The following NEK6 variants were observed in gnomAD, a reference collection of about 807,000 sequenced individuals.
The protein encoded by NEK6 is serine/threonine-protein kinase Nek6.
In NEK6, 27 loss-of-function variants were observed where a neutral mutation model predicts 43.5. The ratio of observed to expected loss-of-function variants is 0.62; its 90% CI spans 0.46 to 0.86. The LOEUF is 0.86. Ranked by LOEUF, NEK6 falls within the 40% of genes least tolerant of loss-of-function variation. The pLI, the probability that NEK6 is intolerant of heterozygous loss-of-function variation, is 0.00. For synonymous variants in NEK6, 167 were observed against 164.1 expected, an observed-to-expected ratio of 1.02 and a Z score of -0.14; for missense variants, 318 against 414.4, an observed-to-expected ratio of 0.77 and a Z score of 2.02.
At chr9:124,259,587 C>T (rs1830945623) in intron 1 of NEK6, 1 of 152,090 alleles carries the variant, frequency 6.6e-6, no homozygotes, top group South Asian at 2.1e-4. Flanking sequence ...GGAAATGCCC[C>T]CTCTCCTTCC....
chr9:124,296,081 C>T (rs577835404), intron 1 of NEK6, among the ~76,000 whole-genome samples: 20 of 152,382 alleles, frequency 1.3e-4, no homozygotes, highest in African/African-American at 4.6e-4. Context: ...ATCTTCAGCT[C>T]CCTGGGGCAT....
intron 4 of NEK6, among the ~76,000 whole-genome samples, chr9:124,316,823 GTCTCCCTCCTCC>G (rs1833838087): frequency 6.6e-6 from 1 of 152,196 alleles, no homozygotes; most frequent in African/African-American, 2.4e-5. Flanking sequence ...TGGGGGAGGA[GTCTCCCTCCTCC>G]CCTCCCCAGG....
At chr9:124,323,991 C>T (rs979084141) in intron 5 of NEK6, among the ~76,000 whole-genome samples, 3 of 152,146 alleles carry the variant, frequency 2.0e-5, no homozygotes, top group Non-Finnish European at 2.9e-5. Flanking sequence ...CGGGTCCTTC[C>T]TCCTCACCTG....
In NEK6 at chr9:124,301,803, G is replaced by C. The variant is rs112534169; in HGVS notation, c.-29-133G>C. ...GTTGTAGCCCTGCCACTTCGGAGCT[G>C]GGTGACCGTGGGCAAATTACTGAAC... On this transcript the variant is annotated intron_variant, in intron 1 of 9. Transcript: ENST00000320246. The C allele has an allele frequency of 7.0e-6, 5 of 718,758 alleles. No homozygotes were observed. The African/African-American group carries it at 7.0e-5, about 10-fold the overall frequency. The allele number at this position is 718,758 out of a possible 1,614,324, so 44.5% of individuals were successfully genotyped here.
rs935227413 is a variant in NEK6, at chr9:124,324,057, T to C, written c.406-2273T>C. On this transcript the variant is annotated intron_variant, in intron 5 of 9. Transcript: ENST00000320246. This position sits in a 1 kb window ranked among gnomAD's most constrained non-coding sequence, Gnocchi z 5.3. ...CTCTCCCCCCACTGTCCCTGCCTGC[T>C]CCCGTTCCCTCCAACCCGGCTCAGG... Among the ~76,000 whole-genome samples the C allele has an allele frequency of 6.6e-6, 1 of 151,760 alleles. No individual in the cohort carries two copies. Among genetic ancestry groups the C allele is most frequent in the Non-Finnish European group, 1.5e-5 (1 of 67,938 alleles).
Position 124,352,013 on chromosome 9 carries a change from A to C in NEK6, c.*1066A>C, listed in dbSNP as rs1469850964. The stretch of plus-strand genomic sequence containing the variant: ...ACCTGTATCATGTGTAGGAAACCAG[A>C]AATGTGTTCCTTATTTCTTGTTCCC... On this transcript the variant is annotated 3_prime_UTR_variant, in exon 10 of 10. Coordinates refer to ENST00000320246, the MANE Select transcript of NEK6 (RefSeq NM_014397.6). The C allele has an allele frequency of 6.5e-6, 1 of 152,720 alleles. No homozygotes were observed. Among genetic ancestry groups the C allele is most frequent in the African/African-American group, 2.4e-5 (1 of 41,476 alleles). 9.5% of individuals were successfully genotyped at this position (152,720 alleles called of 1,614,324 possible).
chr9:124,312,377 C>T (rs1226094873), intron 2 of NEK6, 132 bp from the exon 3 acceptor site: 1 of 1,126,448 alleles, frequency 8.9e-7, no homozygotes, highest in Non-Finnish European at 1.2e-6. Context: ...GGGAGGCTCC[C>T]AGAGCAGGGT....
At chr9:124,314,027 A>G in intron 4 of NEK6, 42 bp downstream of exon 4, 1 of 1,596,114 alleles carries the variant, frequency 6.3e-7, no homozygotes, top group South Asian at 1.1e-5. Flanking sequence ...CTCCTCGGGG[A>G]GGTTCTGGGG....
chr9:124,310,413 T>G (rs1366495381), intron 2 of NEK6, among the ~76,000 whole-genome samples: 1 of 152,128 alleles, frequency 6.6e-6, no homozygotes, highest in East Asian at 1.9e-4. Flanking sequence ...ATCATCATCT[T>G]CCTCCTCCAG....
At chr9:124,290,532 G>A (rs1832371886) in intron 1 of NEK6, among the ~76,000 whole-genome samples, 2 of 152,272 alleles carry the variant, frequency 1.3e-5, no homozygotes, top group African/African-American at 2.4e-5. Flanking sequence ...AGTCCCAGTG[G>A]CGATGAGCTG....
chr9:124,276,057 G>A (rs959112620), intron 1 of NEK6, among the ~76,000 whole-genome samples: 2 of 152,152 alleles, frequency 1.3e-5, no homozygotes, highest in Non-Finnish European at 2.9e-5. Context: ...GTGGAGGCTG[G>A]GGGGCTGGGA....
At chr9:124,330,079 C>T (rs944740608) in intron 7 of NEK6, among the ~76,000 whole-genome samples, 1 of 152,200 alleles carries the variant, frequency 6.6e-6, no homozygotes, top group Admixed American at 6.5e-5. Context: ...TCCCTGGGCC[C>T]CCTCCCCGCC....
At chr9:124,294,165 A>C (rs563309302) in intron 1 of NEK6, among the ~76,000 whole-genome samples, 31 of 152,312 alleles carry the variant, frequency 2.0e-4, no homozygotes, top group African/African-American at 7.2e-4. Flanking sequence ...CAGTAGTTCG[A>C]GACCAGCCTG....
At chr9:124,347,184 A>G (rs1829976915) in intron 8 of NEK6, among the ~76,000 whole-genome samples, 1 of 152,166 alleles carries the variant, frequency 6.6e-6, no homozygotes, top group Non-Finnish European at 1.5e-5. Context: ...TGGCTTCCAC[A>G]GGCAGCAGCT....
Position 124,326,527 on chromosome 9 carries a change from C to A in NEK6, c.514+89C>A. On this transcript the variant is annotated intron_variant, in intron 6 of 9. Coordinates refer to ENST00000320246, the MANE Select transcript of NEK6 (RefSeq NM_014397.6). This position sits in a 1 kb window ranked among gnomAD's most constrained non-coding sequence, Gnocchi z 4.5. ...GCTCCTCCAGGGTCCTCAGGGGCAG[C>A]CCCTTGAGGAAGTTGGACCGCTCTG... The A allele has an allele frequency of 1.0e-6, 1 of 977,934 alleles. No homozygotes were observed. The highest frequency in any genetic ancestry group is 1.6e-6 in the Non-Finnish European group (1 of 625,474). 60.6% of individuals were successfully genotyped at this position (977,934 alleles called of 1,614,324 possible). A position where few individuals can be genotyped will look rare whatever the true frequency, so the allele number is the denominator to read the frequency against.
intron 1 of NEK6, among the ~76,000 whole-genome samples, chr9:124,298,832 T>C (rs1564630608): frequency 6.6e-6 from 1 of 152,068 alleles, no homozygotes; most frequent in Non-Finnish European, 1.5e-5. Context: ...GTTGACAAAA[T>C]GAGATGGGCT....
At chr9:124,294,504 A>G (rs1040976054) in intron 1 of NEK6, among the ~76,000 whole-genome samples, 53 of 152,092 alleles carry the variant, frequency 3.5e-4, no homozygotes, top group Non-Finnish European at 5.4e-4. Context: ...AAAAAAAAAA[A>G]AAGTGCCGAG....
chr9:124,288,350 T>G (rs1832253255), intron 1 of NEK6, among the ~76,000 whole-genome samples: 2 of 152,136 alleles, frequency 1.3e-5, no homozygotes, highest in South Asian at 4.1e-4. Flanking sequence ...CACTGCAACC[T>G]CTGCCTCCTG....
chr9:124,294,889 A>G (rs545737784), intron 1 of NEK6, among the ~76,000 whole-genome samples: 33 of 152,194 alleles, frequency 2.2e-4, no homozygotes, highest in Non-Finnish European at 4.6e-4. Context: ...TAGGGACCCA[A>G]TGAGAAGGGA....
Sources: gnomAD v4.1 joint callset for allele counts (sites outside exome capture counted in the v4.1 genomes callset) on GRCh38, gnomAD v4.1.1 for gene constraint, Gnocchi (gnomAD v3.1) non-coding constraint, MANE v1.5 for transcripts, NCBI Gene and HGNC (gene_info 2026-07-23, HGNC 2026-07-21) for gene names.